Variants in CPNE8 observed in about 807,000 individuals in gnomAD.
CPNE8 encodes the protein copine 8.
Under a neutral mutation model 81.5 loss-of-function variants are expected in CPNE8, and 45 were observed. The observed-to-expected ratio is 0.55, with a 90% confidence interval of 0.44 to 0.71. The LOEUF (loss-of-function observed/expected upper bound fraction) is 0.71, where lower values mean the gene tolerates loss of function less well. Among genes scored for constraint, CPNE8 ranks in the 30% least tolerant of loss-of-function variants. The probability of loss-of-function intolerance (pLI) is 0.00; values close to 1 mark genes in which losing one functional copy is unlikely to be tolerated. For synonymous variants in CPNE8, 252 were observed against 226.3 expected (o/e 1.11, Z -1.02); for missense variants, 594 against 672.1 (o/e 0.88, Z 1.28).
At chr12:38,880,530 A>T (rs1407104838) in intron 1 of CPNE8, among the ~76,000 whole-genome samples, 1 of 152,200 alleles carries the variant, frequency 6.6e-6, no homozygotes, top group Non-Finnish European at 1.5e-5. Flanking sequence ...CCTGAGAGTG[A>T]CAGCATCACT....
chr12:38,904,812 C>T (rs913247203), intron 1 of CPNE8, among the ~76,000 whole-genome samples: 1 of 151,958 alleles, frequency 6.6e-6, no homozygotes, highest in African/African-American at 2.4e-5. Flanking sequence ...CAGATGTGGG[C>T]CCGAAAACAA....
chr12:38,767,821 A>G (rs1941721456), intron 7 of CPNE8, 83 bp from the exon 8 acceptor site: 2 of 824,764 alleles, frequency 2.4e-6, no homozygotes, highest in Non-Finnish European at 1.8e-6. Flanking sequence ...ACTTGACAAG[A>G]AAACATATTT....
intron 6 of CPNE8, among the ~76,000 whole-genome samples, chr12:38,785,778 G>T (rs1942170421): frequency 6.6e-6 from 1 of 151,930 alleles, no homozygotes; most frequent in African/African-American, 2.4e-5. Flanking sequence ...TTAAAGCATA[G>T]AATTTAAGAG....
intron 8 of CPNE8, among the ~76,000 whole-genome samples, chr12:38,765,231 G>A (rs1941663301): frequency 6.6e-6 from 1 of 152,178 alleles, no homozygotes; most frequent in Non-Finnish European, 1.5e-5. Context: ...GGAGTCCAAT[G>A]TAGCTTTGCC....
chr12:38,906,525 T>C, upstream of CPNE8: 1 of 984,738 alleles, frequency 1.0e-6, no homozygotes, highest in Non-Finnish European at 1.2e-6. Flanking sequence ...CCGGGGAGGG[T>C]GATGTCACAA....
chr12:38,795,905 T>TAGATAGATAGAAGAC (rs1555160643), intron 6 of CPNE8, among the ~76,000 whole-genome samples: 2,160 of 148,248 alleles, frequency 0.015, 64 homozygotes, highest in African/African-American at 0.049. Flanking sequence ...AGATAGAAGA[T>TAGATAGATAGAAGAC]AGATAATACA....
At chr12:38,778,750 T>C (rs551438840) in intron 6 of CPNE8, among the ~76,000 whole-genome samples, 2 of 152,350 alleles carry the variant, frequency 1.3e-5, no homozygotes, top group African/African-American at 4.8e-5. Context: ...AAGTTGATTA[T>C]GCTTTCTGTA....
chr12:38,859,247 T>C (rs1943792409), intron 3 of CPNE8, among the ~76,000 whole-genome samples: 2 of 151,868 alleles, frequency 1.3e-5, no homozygotes, highest in Admixed American at 1.3e-4. Flanking sequence ...AATTCATAAG[T>C]TGCAGATACG....
intron 7 of CPNE8, 61 bp downstream of exon 7, chr12:38,776,177 A>G: frequency 1.2e-6 from 1 of 822,150 alleles, no homozygotes; most frequent in Non-Finnish European, 1.9e-6. Context: ...GTTAAGTACA[A>G]TTTTAGATAT....
At chr12:38,800,011 C>T (rs1161782584) in intron 6 of CPNE8, among the ~76,000 whole-genome samples, 1 of 140,794 alleles carries the variant, frequency 7.1e-6, no homozygotes, top group Non-Finnish European at 1.6e-5. Context: ...GTCCTACGCC[C>T]ACGGAATCTC....
At chr12:38,805,810 C>T (rs1345388611) in intron 6 of CPNE8, among the ~76,000 whole-genome samples, 1 of 149,302 alleles carries the variant, frequency 6.7e-6, no homozygotes, top group Non-Finnish European at 1.5e-5. Flanking sequence ...ATCAATGAAT[C>T]CAGGAGCTGG....
intron 6 of CPNE8, among the ~76,000 whole-genome samples, chr12:38,795,867 G>GGATGGATA (rs150549824): frequency 1.5e-4 from 22 of 148,134 alleles, no homozygotes; most frequent in African/African-American, 5.3e-4. Flanking sequence ...ATGGATGGAT[G>GGATGGATA]GATAGATAGA....
chr12:38,766,786 A>C (rs1344368680), intron 8 of CPNE8, among the ~76,000 whole-genome samples: 3 of 152,148 alleles, frequency 2.0e-5, no homozygotes, highest in African/African-American at 7.2e-5. Context: ...GAAAATATTA[A>C]CTATACATAA....
At chr12:38,689,571 G>C (rs937928702) in intron 15 of CPNE8, among the ~76,000 whole-genome samples, 4 of 152,154 alleles carry the variant, frequency 2.6e-5, no homozygotes, top group African/African-American at 7.2e-5. Flanking sequence ...TTTATATACA[G>C]TACAGTGTTA....
At chr12:38,695,729 A>G (rs1187827308) in intron 14 of CPNE8, among the ~76,000 whole-genome samples, 1 of 152,182 alleles carries the variant, frequency 6.6e-6, no homozygotes, top group Non-Finnish European at 1.5e-5. Context: ...GCTTGAGCCC[A>G]GGAGTTTGCA....
At chr12:38,720,266 T>C (rs1940525694) in intron 13 of CPNE8, among the ~76,000 whole-genome samples, 1 of 152,200 alleles carries the variant, frequency 6.6e-6, no homozygotes, top group African/African-American at 2.4e-5. Flanking sequence ...ACAAGTGTGA[T>C]AGAGTTAAGA....
At chr12:38,752,679 A>C (rs1941376631) in intron 10 of CPNE8, among the ~76,000 whole-genome samples, 1 of 152,212 alleles carries the variant, frequency 6.6e-6, no homozygotes, top group Non-Finnish European at 1.5e-5. Flanking sequence ...AAATATGCTC[A>C]ATCTGTTCTT....
chr12:38,739,376 T>C (rs535046130), intron 10 of CPNE8, among the ~76,000 whole-genome samples: 60 of 152,188 alleles, frequency 3.9e-4, no homozygotes, highest in Middle Eastern at 3.4e-3. Context: ...AATTAATGAG[T>C]TCCCCAGAGA....
chr12:38,834,360 C>A (rs976740050), intron 5 of CPNE8, among the ~76,000 whole-genome samples: 4 of 152,064 alleles, frequency 2.6e-5, no homozygotes, highest in Non-Finnish European at 4.4e-5. Flanking sequence ...GTCTCTCAAT[C>A]CTCACCCCCC....
Sources: allele counts gnomAD v4.1 joint callset (sites outside exome capture counted in the v4.1 genomes callset), GRCh38; gene constraint gnomAD v4.1.1; transcripts MANE v1.5; gene names NCBI Gene and HGNC (gene_info 2026-07-23, HGNC 2026-07-21).